RUNX2: variants seen among roughly 807,000 people sequenced by gnomAD.
RUNX2 encodes the protein RUNX family transcription factor 2.
RUNX2 carries 10 observed loss-of-function variants against 51.7 expected under a neutral mutation model. The observed-to-expected ratio is 0.19, with a 90% CI of 0.12 to 0.33. RUNX2 has a LOEUF of 0.33. Among genes scored for constraint, RUNX2 ranks in the 10% least tolerant of loss-of-function variants. The probability of loss-of-function intolerance (pLI) is 1.00; values close to 1 mark genes in which losing one functional copy is unlikely to be tolerated. For synonymous variants in RUNX2, 276 were observed against 273.6 expected (o/e 1.01, Z -0.09); for missense variants, 562 against 691.3 (o/e 0.81, Z 2.10).
At chr6:45,533,266 A>G (rs1324814468) in intron 7 of RUNX2, among the ~76,000 whole-genome samples, 1 of 152,148 alleles carries the variant, frequency 6.6e-6, no homozygotes, top group African/African-American at 2.4e-5. Context: ...AAATTTCGCT[A>G]TTTGGCTTTG....
intron 2 of RUNX2, among the ~76,000 whole-genome samples, chr6:45,366,712 T>C (rs974319386): frequency 3.9e-5 from 6 of 152,218 alleles, no homozygotes; most frequent in Non-Finnish European, 7.3e-5. Flanking sequence ...TTTTCACTGA[T>C]GACATCACTA....
chr6:45,378,278 G>A (rs1360493537), intron 2 of RUNX2, among the ~76,000 whole-genome samples: 2 of 152,242 alleles, frequency 1.3e-5, no homozygotes, highest in African/African-American at 4.8e-5. Flanking sequence ...GGGCCCGAGA[G>A]GGCTAGGATT....
intron 2 of RUNX2, among the ~76,000 whole-genome samples, chr6:45,359,499 T>C (rs560106769): frequency 6.6e-5 from 10 of 152,298 alleles, no homozygotes; most frequent in African/African-American, 2.4e-4. Context: ...TAGTGTAATT[T>C]AAATATCAGG....
chr6:45,513,038 C>G (rs1168650341), intron 7 of RUNX2, among the ~76,000 whole-genome samples: 1 of 152,158 alleles, frequency 6.6e-6, no homozygotes, highest in Non-Finnish European at 1.5e-5. Context: ...CTCACAATTC[C>G]TCTGTTCCAA....
intron 2 of RUNX2, among the ~76,000 whole-genome samples, chr6:45,408,915 G>A (rs1797892954): frequency 6.6e-6 from 1 of 152,166 alleles, no homozygotes; most frequent in Non-Finnish European, 1.5e-5. Flanking sequence ...TTTTGTAAAT[G>A]AGAAGTCAGT....
At chr6:45,350,702 C>A (rs1448652985) in intron 2 of RUNX2, among the ~76,000 whole-genome samples, 2 of 152,122 alleles carry the variant, frequency 1.3e-5, no homozygotes, top group Admixed American at 6.5e-5. Context: ...TTAAAGGAAG[C>A]TTATAAAACA....
intron 2 of RUNX2, 25 bp from the exon 3 acceptor site, chr6:45,422,568 G>A (rs777290262): frequency 9.4e-6 from 15 of 1,590,848 alleles, no homozygotes; most frequent in Admixed American, 5.3e-5. Flanking sequence ...CTAACTTGTG[G>A]CTGTTGTGAT....
At chr6:45,403,916 C>T (rs957178399) in intron 2 of RUNX2, among the ~76,000 whole-genome samples, 3 of 152,104 alleles carry the variant, frequency 2.0e-5, no homozygotes, top group Non-Finnish European at 4.4e-5. Context: ...GAGAAAATCG[C>T]TATCTCCCAT....
At chr6:45,338,790 T>A (rs1015209643) in intron 2 of RUNX2, among the ~76,000 whole-genome samples, 2 of 152,122 alleles carry the variant, frequency 1.3e-5, no homozygotes, top group Non-Finnish European at 2.9e-5. Context: ...ATGCAGCCTA[T>A]TTCTCTGGAT....
Position 45,461,806 on chromosome 6 carries a change from G to A in RUNX2, c.685+23755G>A, listed in dbSNP as rs529905340. Among the ~76,000 whole-genome samples, 4 of 151,228 alleles carry A rather than the reference G, an allele frequency of 2.6e-5. No individual in the cohort carries two copies. In the South Asian group the frequency reaches 8.4e-4, roughly 32 times the overall value. ...GGTCCATTAGATTTTGTATTTCTTC[G>A]GTGCCTACTACATAATTTGCTAAGT... is the stretch of plus-strand genomic sequence containing the variant. On this transcript the variant is annotated intron_variant, in intron 5 of 8. Transcript: ENST00000647337.
intron 2 of RUNX2, among the ~76,000 whole-genome samples, chr6:45,376,506 TGTGCCTAGGCTACCACTA>T (rs1205917577): frequency 6.6e-6 from 1 of 152,238 alleles, no homozygotes; most frequent in Non-Finnish European, 1.5e-5. Context: ...GAAGAGCCAC[TGTGCCTAGGCTACCACTA>T]GTGCCTAAAG....
At chr6:45,347,383 T>C (rs753831658) in intron 2 of RUNX2, among the ~76,000 whole-genome samples, 11 of 152,186 alleles carry the variant, frequency 7.2e-5, no homozygotes, top group Non-Finnish European at 1.3e-4. Context: ...TCTGCAATTG[T>C]ATTTAAAATC....
intron 6 of RUNX2, among the ~76,000 whole-genome samples, chr6:45,505,079 C>T (rs1800921007): frequency 6.6e-6 from 1 of 152,162 alleles, no homozygotes; most frequent in African/African-American, 2.4e-5. Flanking sequence ...AGGCTTTGCT[C>T]CCATTGACTT....
chr6:45,471,714 G>A (rs1367991620), intron 5 of RUNX2, among the ~76,000 whole-genome samples: 2 of 152,162 alleles, frequency 1.3e-5, no homozygotes, highest in African/African-American at 4.8e-5. Context: ...TGGGATTACA[G>A]GCGTGAGCCA....
intron 3 of RUNX2, among the ~76,000 whole-genome samples, chr6:45,427,962 G>A (rs1365456837): frequency 1.3e-5 from 2 of 152,108 alleles, no homozygotes; most frequent in Admixed American, 6.5e-5. Context: ...ATAAAGGAAC[G>A]TCTTTCTCTA....
chr6:45,532,905 C>CTTT (rs10706582), intron 7 of RUNX2, among the ~76,000 whole-genome samples: 2 of 125,854 alleles, frequency 1.6e-5, no homozygotes, highest in African/African-American at 3.0e-5. Flanking sequence ...AGACCGGGCT[C>CTTT]TTTTTTTTTT....
intron 7 of RUNX2, among the ~76,000 whole-genome samples, chr6:45,536,760 G>C (rs1188235540): frequency 6.6e-6 from 1 of 152,174 alleles, no homozygotes; most frequent in Non-Finnish European, 1.5e-5. Flanking sequence ...ACTTTAAGAA[G>C]CAGAGTCCAA....
intron 7 of RUNX2, among the ~76,000 whole-genome samples, chr6:45,532,523 C>T (rs1252877580): frequency 1.3e-5 from 2 of 152,084 alleles, no homozygotes; most frequent in Non-Finnish European, 2.9e-5. Flanking sequence ...TTATTTTATC[C>T]TGCTACTCTT....
intron 5 of RUNX2, among the ~76,000 whole-genome samples, chr6:45,453,922 C>A: frequency 6.6e-6 from 1 of 152,192 alleles, no homozygotes; most frequent in East Asian, 1.9e-4. Context: ...GATGAACATT[C>A]ATTTTATTTT....
Sources: gnomAD v4.1 joint callset for allele counts (sites outside exome capture counted in the v4.1 genomes callset) on GRCh38, gnomAD v4.1.1 for gene constraint, MANE v1.5 for transcripts, NCBI Gene and HGNC (gene_info 2026-07-23, HGNC 2026-07-21) for gene names.